The following SNX25 variants were observed in gnomAD, a reference collection of about 807,000 sequenced individuals.
SNX25 encodes the protein sorting nexin 25, also known as sorting nexin-25.
Under a neutral mutation model 113.7 loss-of-function variants are expected in SNX25, and 62 were observed. That is an observed-to-expected ratio of 0.55 (90% CI 0.44 to 0.67). The LOEUF is 0.67. Among genes scored for constraint, SNX25 ranks in the 30% least tolerant of loss-of-function variants. The probability of loss-of-function intolerance (pLI) is 0.00; values close to 1 mark genes in which losing one functional copy is unlikely to be tolerated. For missense variants in SNX25, 1,014 were observed against 1,161.0 expected (o/e 0.87, Z 1.84); for synonymous variants, 421 against 436.2 (o/e 0.97, Z 0.43).
chr4:185,282,264 C>T (rs896741559), intron 5 of SNX25, among the ~76,000 whole-genome samples: 5 of 152,094 alleles, frequency 3.3e-5, no homozygotes, highest in South Asian at 2.1e-4. Context: ...CGAGTTCAAG[C>T]GATTCCCCTG....
chr4:185,227,839 G>A (rs984753519), intron 1 of SNX25, among the ~76,000 whole-genome samples: 17 of 152,182 alleles, frequency 1.1e-4, no homozygotes, highest in Non-Finnish European at 1.9e-4. Context: ...CAGTGTACAC[G>A]TGACAGTTAA....
chr4:185,239,297 C>A (rs146897458), intron 1 of SNX25, among the ~76,000 whole-genome samples: 4 of 151,796 alleles, frequency 2.6e-5, no homozygotes, highest in African/African-American at 4.8e-5. Context: ...TCCTGGCCAA[C>A]ACGGTGAAAC....
Position 185,277,720 on chromosome 4 carries a change from C to CTTTTTTTTTTTTTT in SNX25, c.1092-10275_1092-10262dup, listed in dbSNP as rs758092952. Among the ~76,000 whole-genome samples the CTTTTTTTTTTTTTT allele has an allele frequency of 3.1e-5, 2 of 63,504 alleles. 1 individual carries two copies. The highest frequency in any genetic ancestry group is 6.3e-5 in the Non-Finnish European group (2 of 31,888). 41.7% of individuals were successfully genotyped at this position (63,504 alleles called of 152,430 possible). ...ATGATGAGTTTTGAGTACTTATTAC[C>CTTTTTTTTTTTTTT]TTTTTTTTTTTTTTTTTTTTTTTTT... On this transcript the variant is annotated intron_variant, in intron 5 of 18. Transcript: ENST00000652585.
intron 1 of SNX25, among the ~76,000 whole-genome samples, chr4:185,233,874 T>G (rs1005349933): frequency 6.1e-5 from 8 of 131,110 alleles, no homozygotes; most frequent in African/African-American, 2.0e-4. Context: ...TATTATTATT[T>G]TTAGATGGAG....
chr4:185,237,264 TC>T (rs1742780655), intron 1 of SNX25, among the ~76,000 whole-genome samples: 1 of 152,178 alleles, frequency 6.6e-6, no homozygotes, highest in Non-Finnish European at 1.5e-5. Flanking sequence ...AGTAAGATAT[TC>T]TTTAGTTCAT....
chr4:185,236,577 G>T (rs1004298677), intron 1 of SNX25, among the ~76,000 whole-genome samples: 3 of 151,966 alleles, frequency 2.0e-5, no homozygotes, highest in African/African-American at 7.2e-5. Flanking sequence ...TAGAATAAGA[G>T]AATAAATTAT....
At chr4:185,251,207 C>A (rs1745582370) in intron 2 of SNX25, among the ~76,000 whole-genome samples, 1 of 152,130 alleles carries the variant, frequency 6.6e-6, no homozygotes, top group South Asian at 2.1e-4. Flanking sequence ...GTTGGCCAGG[C>A]TGGTCTCTAA....
chr4:185,250,528 G>T (rs985968278), intron 2 of SNX25, among the ~76,000 whole-genome samples: 2 of 152,172 alleles, frequency 1.3e-5, no homozygotes, highest in African/African-American at 4.8e-5. Context: ...ACACACAAAA[G>T]ACATTCTCTT....
intron 5 of SNX25, among the ~76,000 whole-genome samples, chr4:185,274,242 G>T (rs956822517): frequency 6.6e-6 from 1 of 152,044 alleles, no homozygotes; most frequent in African/African-American, 2.4e-5. Flanking sequence ...TGTATCTTTA[G>T]TAGAGACAGG....
At position 185,259,030 on chromosome 4, in the gene SNX25, A is replaced by G. The variant is rs752870815; in HGVS notation, c.697A>G (p.Thr233Ala). The change falls in exon 3 of 19, where the codon ACT becomes GCT. Residue 233 changes from threonine (T) to alanine (A), a missense_variant. Physicochemically the swap from Thr to Ala is moderately conservative, Grantham distance 58. Transcript: ENST00000652585. ...CAATGATGTTGTGAGGACTTTACTCACTCATTTCTGTGACCTGAAAGCTGC... is the reference window on the plus strand; with the variant it reads ...CAATGATGTTGTGAGGACTTTACTCGCTCATTTCTGTGACCTGAAAGCTGC... Reference protein sequence around the residue: ...VCNDVVRTLLTHFCDLKAANA... With the variant: ...VCNDVVRTLLAHFCDLKAANA... 2 of 1,613,944 alleles carry G rather than the reference A, an allele frequency of 1.2e-6. No homozygotes were observed. The highest frequency in any genetic ancestry group is 1.3e-5 in the African/African-American group (1 of 74,902).
intron 1 of SNX25, among the ~76,000 whole-genome samples, chr4:185,216,190 A>G (rs1263485650): frequency 1.3e-5 from 2 of 152,226 alleles, no homozygotes; most frequent in East Asian, 1.9e-4. Flanking sequence ...GTGAAAAAAC[A>G]TCTTCCCTCT....
chr4:185,325,123 G>A (rs866981074), intron 9 of SNX25, among the ~76,000 whole-genome samples: 1 of 152,106 alleles, frequency 6.6e-6, no homozygotes, highest in African/African-American at 2.4e-5. Flanking sequence ...AAGTTTTTCA[G>A]CAGTGTCTCT....
intron 2 of SNX25, among the ~76,000 whole-genome samples, chr4:185,255,281 C>T (rs1746254719): frequency 6.6e-6 from 1 of 151,944 alleles, no homozygotes; most frequent in African/African-American, 2.4e-5. Context: ...TTACAGGCGC[C>T]TGCCACCACG....
intron 10 of SNX25, 112 bp downstream of exon 10, chr4:185,332,871 C>A: frequency 9.1e-7 from 1 of 1,097,758 alleles, no homozygotes; most frequent in Non-Finnish European, 1.3e-6. Context: ...TAACCATGAA[C>A]AAGTTCCATT....
chr4:185,221,997 ATGGTAGATATATAG>A, intron 1 of SNX25, among the ~76,000 whole-genome samples: 1 of 144,258 alleles, frequency 6.9e-6, no homozygotes, highest in African/African-American at 2.6e-5. Flanking sequence ...CCCCTCCTTC[ATGGTAGATATATAG>A]CACCATATAT....
chr4:185,205,628 A>G (rs1737154394), upstream of SNX25, among the ~76,000 whole-genome samples: 1 of 152,212 alleles, frequency 6.6e-6, no homozygotes, highest in Non-Finnish European at 1.5e-5. Context: ...CAGGAGTTCC[A>G]GACCAGCCTG....
intron 7 of SNX25, among the ~76,000 whole-genome samples, chr4:185,312,684 A>C (rs1418671315): frequency 6.6e-6 from 1 of 152,028 alleles, no homozygotes; most frequent in East Asian, 1.9e-4. Context: ...CACCACACCC[A>C]GCTAAATTTT....
At chr4:185,318,029 C>T (rs912365111) in intron 7 of SNX25, among the ~76,000 whole-genome samples, 5 of 152,262 alleles carry the variant, frequency 3.3e-5, no homozygotes, top group African/African-American at 1.2e-4. Context: ...TATACTGCAT[C>T]ATCCTCAGAA....
At chr4:185,231,395 G>A (rs1374729346) in intron 1 of SNX25, among the ~76,000 whole-genome samples, 2 of 151,534 alleles carry the variant, frequency 1.3e-5, no homozygotes, top group African/African-American at 4.8e-5. Context: ...CACCATGCCT[G>A]GCCAATAACT....
Sources: allele counts gnomAD v4.1 joint callset (sites outside exome capture counted in the v4.1 genomes callset), GRCh38; gene constraint gnomAD v4.1.1; transcripts MANE v1.5; gene names NCBI Gene and HGNC (gene_info 2026-07-23, HGNC 2026-07-21).